Variants in BTRC observed in about 807,000 individuals in gnomAD.
BTRC encodes beta-transducin repeat containing E3 ubiquitin protein ligase.
Under a neutral mutation model 85.5 loss-of-function variants are expected in BTRC, and 42 were observed. The observed-to-expected ratio is 0.49, with a 90% CI of 0.38 to 0.64. BTRC has a LOEUF of 0.64. Among genes scored for constraint, BTRC ranks in the 30% least tolerant of loss-of-function variants. BTRC has a pLI of 0.00. For missense variants in BTRC, 594 were observed against 743.5 expected (o/e 0.80, Z 2.34); for synonymous variants, 255 against 263.3 (o/e 0.97, Z 0.30).
At chr10:101,532,801 C>CGCGTGT in intron 8 of BTRC, 151 bp from the exon 9 acceptor site, 2 of 605,970 alleles carry the variant, frequency 3.3e-6, no homozygotes, top group Admixed American at 2.6e-5. Flanking sequence ...CGCGTGTGCG[C>CGCGTGT]GCGCGCGCGC....
chr10:101,502,091 C>A (rs1470013645), intron 4 of BTRC, among the ~76,000 whole-genome samples: 3 of 152,212 alleles, frequency 2.0e-5, no homozygotes, highest in Non-Finnish European at 4.4e-5. Flanking sequence ...AGTTTTTCTG[C>A]CTATTTCTGA....
At chr10:101,490,816 T>C (rs1383730625) in intron 4 of BTRC, among the ~76,000 whole-genome samples, 1 of 152,166 alleles carries the variant, frequency 6.6e-6, no homozygotes, top group Non-Finnish European at 1.5e-5. Flanking sequence ...CCCAGCACTT[T>C]GGGAGGCCTA....
intron 13 of BTRC, among the ~76,000 whole-genome samples, chr10:101,547,655 T>G (rs2062580374): frequency 6.6e-6 from 1 of 152,166 alleles, no homozygotes; most frequent in African/African-American, 2.4e-5. Flanking sequence ...GGTCTTATTA[T>G]TGCCCTTATG....
chr10:101,469,987 A>G (rs1182922276), intron 3 of BTRC, among the ~76,000 whole-genome samples: 2 of 152,134 alleles, frequency 1.3e-5, no homozygotes, highest in Non-Finnish European at 2.9e-5. Flanking sequence ...CTTTTGGTGG[A>G]TATCTGAGCC....
intron 4 of BTRC, among the ~76,000 whole-genome samples, chr10:101,514,323 T>C (rs139444868): frequency 6.6e-6 from 1 of 152,332 alleles, no homozygotes; most frequent in Non-Finnish European, 1.5e-5. Flanking sequence ...TCCTGTGTTT[T>C]CTTTTAGAAG....
chr10:101,440,049 A>T (rs927518504), intron 2 of BTRC, among the ~76,000 whole-genome samples: 9 of 152,250 alleles, frequency 5.9e-5, no homozygotes, highest in Non-Finnish European at 1.3e-4. Flanking sequence ...TTTAATGTGG[A>T]AAATGTGTAT....
intron 2 of BTRC, among the ~76,000 whole-genome samples, chr10:101,437,268 ATTGT>A (rs1944556738): frequency 6.6e-6 from 1 of 152,204 alleles, no homozygotes; most frequent in Admixed American, 6.5e-5. Flanking sequence ...AAAATGAATT[ATTGT>A]TTATTATGGA....
intron 13 of BTRC, among the ~76,000 whole-genome samples, chr10:101,546,221 G>A (rs1295966266): frequency 6.6e-6 from 1 of 152,154 alleles, no homozygotes; most frequent in Admixed American, 6.5e-5. Context: ...ACCACAGTCA[G>A]GGCCATAAAA....
At position 101,538,369 on chromosome 10, in the gene BTRC, G is replaced by T; in HGVS notation, c.1654G>T (p.Val552Leu). 2 of 1,612,798 alleles carry T rather than the reference G, an allele frequency of 1.2e-6. No homozygotes were observed. Among genetic ancestry groups the T allele is most frequent in the Non-Finnish European group, 8.5e-7 (1 of 1,178,808 alleles). The stretch of plus-strand genomic sequence containing the variant: ...AGGGACACTCTGTCTACGGACCCTT[G>T]TGGTAAGAGCCTTGCTGTTTAGAGA... ...PAGTLCLRTLVEHSGRVFRLQ... is the reference protein window; with the variant it reads ...PAGTLCLRTLLEHSGRVFRLQ... The change falls in exon 13 of 15, where the codon GTG becomes TTG. Residue 552 changes from valine to leucine, a missense_variant and splice_region_variant. Around this residue, in one of 4 missense-constraint regions of BTRC, gnomAD observed 373 missense variants for 503.6 expected, o/e 0.74. Coordinates refer to ENST00000370187, the MANE Select transcript of BTRC (RefSeq NM_033637.4).
intron 3 of BTRC, among the ~76,000 whole-genome samples, chr10:101,469,027 A>G (rs1945452555): frequency 6.6e-6 from 1 of 152,238 alleles, no homozygotes; most frequent in South Asian, 2.1e-4. Context: ...GGTAGTTTTC[A>G]GCAAGGCATC....
intron 8 of BTRC, 112 bp downstream of exon 8, chr10:101,532,544 T>C (rs1358775795): frequency 9.6e-6 from 13 of 1,360,104 alleles, no homozygotes; most frequent in Non-Finnish European, 1.3e-5. Flanking sequence ...AAGTGAAGAT[T>C]TTAGATTGTT....
intron 3 of BTRC, among the ~76,000 whole-genome samples, chr10:101,462,845 A>G (rs926101234): frequency 6.6e-6 from 1 of 151,906 alleles, no homozygotes; most frequent in African/African-American, 2.4e-5. Context: ...TGTGCCACCT[A>G]TTCATTTTTA....
chr10:101,470,468 G>T (rs971763755), intron 3 of BTRC, among the ~76,000 whole-genome samples: 1 of 151,864 alleles, frequency 6.6e-6, no homozygotes, highest in African/African-American at 2.4e-5. Flanking sequence ...GAGTAGATGG[G>T]ATTACAGGCA....
chr10:101,452,632 G>A (rs1944979827), intron 2 of BTRC, among the ~76,000 whole-genome samples: 1 of 152,150 alleles, frequency 6.6e-6, no homozygotes, highest in Non-Finnish European at 1.5e-5. Flanking sequence ...GTAAGGCAGT[G>A]CTAATGGAAG....
At chr10:101,491,289 A>AT (rs1946126840) in intron 4 of BTRC, among the ~76,000 whole-genome samples, 1 of 152,160 alleles carries the variant, frequency 6.6e-6, no homozygotes, top group Admixed American at 6.5e-5. Context: ...TGGAATACAG[A>AT]TTTTATCCTG....
intron 1 of BTRC, among the ~76,000 whole-genome samples, chr10:101,401,876 T>C (rs1359422735): frequency 6.6e-6 from 1 of 151,644 alleles, no homozygotes; most frequent in Non-Finnish European, 1.5e-5. Flanking sequence ...ACAATGTTTC[T>C]TTCTAGAGTG....
chr10:101,370,111 C>T (rs768130606), intron 1 of BTRC, among the ~76,000 whole-genome samples: 1 of 152,170 alleles, frequency 6.6e-6, no homozygotes, highest in Non-Finnish European at 1.5e-5. Flanking sequence ...GGACATATCC[C>T]TTATCCTGTT....
chr10:101,443,513 A>G (rs1419320849), intron 2 of BTRC, among the ~76,000 whole-genome samples: 1 of 152,220 alleles, frequency 6.6e-6, no homozygotes, highest in Non-Finnish European at 1.5e-5. Context: ...CCACTTCAGT[A>G]AAAGTGCTGT....
chr10:101,363,106 A>G (rs1388809891), intron 1 of BTRC, among the ~76,000 whole-genome samples: 2 of 152,222 alleles, frequency 1.3e-5, no homozygotes, highest in African/African-American at 2.4e-5. Flanking sequence ...TGTTCTAAAT[A>G]TACTGTTCTA....
Sources: gnomAD v4.1 joint callset for allele counts (sites outside exome capture counted in the v4.1 genomes callset) on GRCh38, gnomAD v4.1.1 for gene constraint, gnomAD v4.1.1 regional missense constraint, MANE v1.5 for transcripts, NCBI Gene and HGNC (gene_info 2026-07-23, HGNC 2026-07-21) for gene names.